Variants in PBX3 observed in about 807,000 individuals in gnomAD.
PBX3 encodes the protein pre-B-cell leukemia transcription factor 3.
In PBX3, 14 loss-of-function variants were observed where a neutral mutation model predicts 48.5. That is an observed-to-expected ratio of 0.29 (90% confidence interval 0.19 to 0.45). The LOEUF (loss-of-function observed/expected upper bound fraction) is 0.45. Among genes scored for constraint, PBX3 ranks in the 20% least tolerant of loss-of-function variants. The pLI is 1.00. For synonymous variants in PBX3, 210 were observed against 200.3 expected, an observed-to-expected ratio of 1.05 and a Z score of -0.41; for missense variants, 386 against 546.7, an observed-to-expected ratio of 0.71 and a Z score of 2.93.
At chr9:125,867,149 C>G (rs1840001109) in intron 2 of PBX3, among the ~76,000 whole-genome samples, 1 of 151,932 alleles carries the variant, frequency 6.6e-6, no homozygotes, top group Non-Finnish European at 1.5e-5. Flanking sequence ...AACAAGCACA[C>G]AAATGATGCA....
intron 2 of PBX3, among the ~76,000 whole-genome samples, chr9:125,910,135 G>T (rs541587139): frequency 3.1e-4 from 47 of 152,138 alleles, no homozygotes; most frequent in Non-Finnish European, 5.1e-4. Context: ...TTAGATTTAT[G>T]AATTTCTAGT....
chr9:125,921,539 C>T (rs1162128548), intron 3 of PBX3, among the ~76,000 whole-genome samples: 3 of 152,108 alleles, frequency 2.0e-5, no homozygotes, highest in Non-Finnish European at 4.4e-5. Context: ...ACTTAACATA[C>T]ATTATATAAT....
At chr9:125,749,794 A>G (rs1040278875) in intron 2 of PBX3, among the ~76,000 whole-genome samples, 3 of 152,162 alleles carry the variant, frequency 2.0e-5, no homozygotes, top group Admixed American at 2.0e-4. Flanking sequence ...TCGCTTTGCA[A>G]TACTATTCTG....
chr9:125,955,005 C>T (rs1180955837), intron 5 of PBX3, among the ~76,000 whole-genome samples: 3 of 152,034 alleles, frequency 2.0e-5, no homozygotes, highest in African/African-American at 7.2e-5. Flanking sequence ...TTGTAGATGC[C>T]AACTTAGAAA....
intron 2 of PBX3, among the ~76,000 whole-genome samples, chr9:125,798,192 G>T (rs1333751349): frequency 6.6e-6 from 1 of 152,086 alleles, no homozygotes; most frequent in Non-Finnish European, 1.5e-5. Context: ...GTAATTCTCA[G>T]ATAGCTTAGT....
rs79662472 is a variant in PBX3, at chr9:125,875,498, C to A, written c.275-40188C>A. ...TATGTCTTTTGAAGGCTCATTAAGG[C>A]TAACTAGGTAGGGAAGGGAAGGACG... On this transcript the variant is annotated intron_variant, in intron 2 of 8. Transcript: ENST00000373489. 5.9e-5 allele frequency among the ~76,000 whole-genome samples: 9 copies of A among 152,084 alleles called. No individual in the cohort carries two copies. The East Asian group carries it at 1.7e-3, about 29-fold the overall frequency.
At chr9:125,835,773 T>C (rs1400438339) in intron 2 of PBX3, among the ~76,000 whole-genome samples, 1 of 152,162 alleles carries the variant, frequency 6.6e-6, no homozygotes, top group Non-Finnish European at 1.5e-5. Context: ...GTGCATTCAC[T>C]ATGGAAAACA....
chr9:125,939,693 A>G (rs1841916160), intron 5 of PBX3, among the ~76,000 whole-genome samples: 1 of 152,226 alleles, frequency 6.6e-6, no homozygotes, highest in Non-Finnish European at 1.5e-5. Context: ...GACTGGAGAA[A>G]TGGATAAATA....
At chr9:125,907,056 T>TAA (rs1841090514) in intron 2 of PBX3, among the ~76,000 whole-genome samples, 2 of 141,154 alleles carry the variant, frequency 1.4e-5, no homozygotes, top group African/African-American at 6.4e-5. Context: ...CCACTAATAA[T>TAA]GAGCAACTAT....
At chr9:125,804,917 A>AGATCAGGCTTAGATCAT (rs879326095) in intron 2 of PBX3, among the ~76,000 whole-genome samples, 1 of 147,048 alleles carries the variant, frequency 6.8e-6, no homozygotes, top group Non-Finnish European at 1.5e-5. Flanking sequence ...ACTGCACTCC[A>AGATCAGGCTTAGATCAT]GCCTGGGTGA....
intron 2 of PBX3, among the ~76,000 whole-genome samples, chr9:125,894,566 G>C (rs1840725401): frequency 6.6e-6 from 1 of 152,054 alleles, no homozygotes; most frequent in Non-Finnish European, 1.5e-5. Context: ...TGTCTTTGTA[G>C]AAGAATAAAT....
intron 2 of PBX3, among the ~76,000 whole-genome samples, chr9:125,899,396 TAC>T (rs1840879153): frequency 7.1e-6 from 1 of 141,508 alleles, no homozygotes; most frequent in Admixed American, 7.4e-5. Flanking sequence ...TATATAAATA[TAC>T]AAATATATGT....
intron 5 of PBX3, among the ~76,000 whole-genome samples, chr9:125,952,485 AT>A (rs1171946830): frequency 6.6e-6 from 1 of 152,220 alleles, no homozygotes; most frequent in Admixed American, 6.5e-5. Flanking sequence ...TAATTAATAA[AT>A]TGGCTTTCAG....
At chr9:125,750,895 C>T (rs1464648643) in intron 2 of PBX3, among the ~76,000 whole-genome samples, 1 of 152,162 alleles carries the variant, frequency 6.6e-6, no homozygotes, top group Non-Finnish European at 1.5e-5. Flanking sequence ...CTTCACCTCA[C>T]TCTCCAAAAC....
intron 2 of PBX3, among the ~76,000 whole-genome samples, chr9:125,823,454 A>G (rs1200395110): frequency 6.6e-6 from 1 of 152,224 alleles, no homozygotes. Context: ...TGCTGATTTC[A>G]AGATACAAAG....
chr9:125,822,827 A>G (rs1467750598), intron 2 of PBX3, among the ~76,000 whole-genome samples: 1 of 152,120 alleles, frequency 6.6e-6, no homozygotes, highest in Non-Finnish European at 1.5e-5. Context: ...AACCCCACAT[A>G]ATACATTATG....
At chr9:125,797,732 T>G (rs1187251688) in intron 2 of PBX3, among the ~76,000 whole-genome samples, 1 of 152,168 alleles carries the variant, frequency 6.6e-6, no homozygotes, top group Non-Finnish European at 1.5e-5. Flanking sequence ...TACAGTACAC[T>G]ATTATTAACT....
intron 2 of PBX3, among the ~76,000 whole-genome samples, chr9:125,818,531 G>A (rs1274637332): frequency 6.6e-6 from 1 of 151,918 alleles, no homozygotes; most frequent in African/African-American, 2.4e-5. Flanking sequence ...TGTATTTTTA[G>A]TAGAGACAGA....
intron 2 of PBX3, among the ~76,000 whole-genome samples, chr9:125,838,676 A>G (rs925251352): frequency 6.6e-6 from 1 of 152,206 alleles, no homozygotes; most frequent in African/African-American, 2.4e-5. Context: ...GTTATTTACA[A>G]GATTAAATTG....
Sources: gnomAD v4.1 joint callset for allele counts (sites outside exome capture counted in the v4.1 genomes callset) on GRCh38, gnomAD v4.1.1 for gene constraint, MANE v1.5 for transcripts, NCBI Gene and HGNC (gene_info 2026-07-23, HGNC 2026-07-21) for gene names.